Variants in SLC2A3 observed in about 807,000 individuals in gnomAD.
SLC2A3 encodes solute carrier family 2 member 3.
In SLC2A3, 21 loss-of-function variants were observed where a neutral mutation model predicts 46.4. The ratio of observed to expected loss-of-function variants is 0.45; its 90% confidence interval spans 0.32 to 0.65. The LOEUF (loss-of-function observed/expected upper bound fraction) is 0.65. SLC2A3 is among the 30% of genes least tolerant of loss of function. The pLI is 0.04. For missense variants in SLC2A3, 499 were observed against 623.3 expected (o/e 0.80, Z 2.12); for synonymous variants, 213 against 239.4 (o/e 0.89, Z 1.02).
intron 5 of SLC2A3, 53 bp downstream of exon 5, chr12:7,930,427 T>G (rs1003136635): frequency 6.4e-7 from 1 of 1,562,152 alleles, no homozygotes; most frequent in African/African-American, 1.4e-5. Flanking sequence ...CAATCATCCC[T>G]AAAACAAACC....
At chr12:7,925,772 T>G in intron 7 of SLC2A3, 72 bp downstream of exon 7, 1 of 1,174,124 alleles carries the variant, frequency 8.5e-7, no homozygotes, top group Non-Finnish European at 1.3e-6. Flanking sequence ...GGTAGGGTCA[T>G]GCAATCCATC....
intron 9 of SLC2A3, 102 bp downstream of exon 9, chr12:7,922,719 C>T (rs1946050925): frequency 4.0e-6 from 6 of 1,512,272 alleles, no homozygotes; most frequent in Non-Finnish European, 5.4e-6. Context: ...GCTAGGATTA[C>T]AGGCATGAGC....
chr12:7,928,990 C>T (rs1330208634), intron 6 of SLC2A3, among the ~76,000 whole-genome samples: 2 of 151,912 alleles, frequency 1.3e-5, no homozygotes, highest in African/African-American at 4.8e-5. Context: ...AGCCTCTAAC[C>T]CCTCATAAGA....
At chr12:7,934,362 T>C (rs1946191409) in intron 1 of SLC2A3, among the ~76,000 whole-genome samples, 1 of 151,992 alleles carries the variant, frequency 6.6e-6, no homozygotes, top group Admixed American at 6.6e-5. Flanking sequence ...GGGTGGTAGT[T>C]TGTGTCTTCA....
intron 4 of SLC2A3, 31 bp downstream of exon 4, chr12:7,931,214 C>G (rs1440183672): frequency 6.2e-7 from 1 of 1,612,448 alleles, no homozygotes; most frequent in Non-Finnish European, 8.5e-7. Flanking sequence ...ATGAAACTAA[C>G]ACTCATTAAG....
At chr12:7,922,126 C>G (rs1229379959) in intron 9 of SLC2A3, among the ~76,000 whole-genome samples, 1 of 152,010 alleles carries the variant, frequency 6.6e-6, no homozygotes, top group Non-Finnish European at 1.5e-5. Flanking sequence ...TTAAGTGATT[C>G]TCTTGCCTCA....
Position 7,921,225 on chromosome 12 carries a change from A to G in SLC2A3, c.*188T>C. 8.4e-7 allele frequency: 1 copy of G among 1,197,112 alleles called. No homozygotes were observed. The highest frequency in any genetic ancestry group is 1.5e-5 in the South Asian group (1 of 67,712). The allele number at this position is 1,197,112 out of a possible 1,614,324, so 74.2% of individuals were successfully genotyped here. A position where few individuals can be genotyped will look rare whatever the true frequency, so the allele number is the denominator to read the frequency against. On this transcript the variant is annotated 3_prime_UTR_variant, in exon 10 of 10. Coordinates refer to ENST00000075120, the MANE Select transcript of SLC2A3 (RefSeq NM_006931.3). ...CTAAGCAGAAGAGGATGTCCAGGAA[A>G]TAAAATTTAAAAAGCCATTGAAGAT...
In SLC2A3 at chr12:7,921,563, G is replaced by A. The variant is rs1396668769; in HGVS notation, c.1341C>T (p.Phe447=). The change falls in exon 10 of 10, where the codon TTC becomes TTT. Residue 447 remains phenylalanine, a synonymous_variant. Transcript: ENST00000075120. ...TGCCACGGGTCTCAGGGACTTTGAA[G>A]AAGGTAAAAGCCAAGAAGGTAATGA... ...GFLITFLAFT[F]FKVPETRGRT... is the part of the protein sequence containing the mutation. The A allele has an allele frequency of 6.2e-7, 1 of 1,613,828 alleles. No individual in the cohort carries two copies. The highest frequency in any genetic ancestry group is 2.2e-5 in the East Asian group (1 of 44,896).
chr12:7,934,687 C>A (rs1372603562), intron 1 of SLC2A3, among the ~76,000 whole-genome samples: 1 of 151,868 alleles, frequency 6.6e-6, no homozygotes, highest in Admixed American at 6.6e-5. Flanking sequence ...TACGCCATTC[C>A]CCCCCACCCC....
chr12:7,932,856 C>CT (rs1307731393), intron 3 of SLC2A3, 131 bp downstream of exon 3: 3 of 1,362,808 alleles, frequency 2.2e-6, no homozygotes, highest in African/African-American at 2.9e-5. Flanking sequence ...GCCAGTTGGA[C>CT]TAGGTTTCCC....
intron 6 of SLC2A3, among the ~76,000 whole-genome samples, chr12:7,928,275 G>A (rs1471811358): frequency 6.6e-6 from 1 of 151,764 alleles, no homozygotes; most frequent in Non-Finnish European, 1.5e-5. Context: ...GCACACGCCT[G>A]TAGTCCCAGC....
At chr12:7,922,035 T>A (rs1368978759) in intron 9 of SLC2A3, among the ~76,000 whole-genome samples, 1 of 152,074 alleles carries the variant, frequency 6.6e-6, no homozygotes, top group Non-Finnish European at 1.5e-5. Context: ...AATTTTTTTT[T>A]TTTTGAGACG....
In SLC2A3 at chr12:7,933,526, A is replaced by G. The variant is rs749709001; in HGVS notation, c.108+284T>C. The G allele has an allele frequency of 5.4e-4, 253 of 472,834 alleles. 1 individual carries two copies. Among genetic ancestry groups the G allele is most frequent in the African/African-American group, 3.9e-3 (201 of 51,832 alleles). 29.3% of individuals were successfully genotyped at this position (472,834 alleles called of 1,614,324 possible). On this transcript the variant is annotated intron_variant, in intron 2 of 9. Transcript: ENST00000075120. ...CTTTGTGCTTCGATTAGATGACCCC[A>G]CTAATTTTCCCCACCAATATTGTCT...
chr12:7,929,688 T>C lies in SLC2A3; in HGVS notation c.857A>G (p.Asn286Ser), dbSNP rs769245286. The C allele has an allele frequency of 7.4e-6, 12 of 1,613,158 alleles. No homozygotes were observed. The highest frequency in any genetic ancestry group is 8.5e-6 in the Non-Finnish European group (10 of 1,179,558). ...ACCCTAAAGTATCACACTCACAGCA[T>C]TGATCCCAGAGAGCTGCTGAGAGAG... ...LQLSQQLSGI[N>S]AVFYYSTGIF... The change falls in exon 6 of 10, where the codon AAT becomes AGT. Residue 286 changes from asparagine to serine, a missense_variant. By Grantham distance (46) the Asn-to-Ser change is conservative. Transcript: ENST00000075120.
At chr12:7,926,057 G>T (rs1220909426) in intron 6 of SLC2A3, 109 bp from the exon 7 acceptor site, 3 of 883,724 alleles carry the variant, frequency 3.4e-6, no homozygotes, top group Non-Finnish European at 5.6e-6. Context: ...CTTTTTCTAG[G>T]TTTTCGTTCA....
intron 6 of SLC2A3, among the ~76,000 whole-genome samples, chr12:7,926,235 T>C (rs904545287): frequency 6.6e-6 from 1 of 151,944 alleles, no homozygotes; most frequent in Non-Finnish European, 1.5e-5. Context: ...GGACTACAGG[T>C]GCCTGCAACC....
chr12:7,925,566 G>A (rs2121185887), intron 7 of SLC2A3: 1 of 298,420 alleles, frequency 3.4e-6, no homozygotes, highest in East Asian at 5.9e-5. Context: ...TAAAAACAGT[G>A]GAGTAACAGA....
rs764323738 is a variant in SLC2A3, at chr12:7,933,027, C to G, written c.229G>C (p.Gly77Arg). ...ACGAAGAGTCCGACGGAAAAGGAGC[C>G]GATCATACCCCCGACGGAAAATATG... ...VAIFSVGGMI[G>R]SFSVGLFVNR... The change falls in exon 3 of 10, where the codon GGC becomes CGC. Residue 77 changes from glycine (G) to arginine (R), a missense_variant. Physicochemically the swap from Gly to Arg is moderately radical, Grantham distance 125 (BLOSUM62 -2). Around this residue, in one of 5 missense-constraint regions of SLC2A3, gnomAD observed 248 missense variants for 284.0 expected, o/e 0.87. Transcript: ENST00000075120. 2 of 1,613,912 alleles carry G rather than the reference C, an allele frequency of 1.2e-6. No individual in the cohort carries two copies. Among genetic ancestry groups the G allele is most frequent in the African/African-American group, 1.3e-5 (1 of 74,844 alleles).
At chr12:7,931,036 T>A (rs1192996767) in intron 4 of SLC2A3, among the ~76,000 whole-genome samples, 1 of 152,088 alleles carries the variant, frequency 6.6e-6, no homozygotes, top group Non-Finnish European at 1.5e-5. Context: ...GACCTCGTGA[T>A]CTGCCCACCT....
Sources: gnomAD v4.1 joint callset for allele counts (sites outside exome capture counted in the v4.1 genomes callset) on GRCh38, gnomAD v4.1.1 for gene constraint, gnomAD v4.1.1 regional missense constraint, MANE v1.5 for transcripts, NCBI Gene and HGNC (gene_info 2026-07-23, HGNC 2026-07-21) for gene names.